Variants in NKAIN2 observed in about 807,000 individuals in gnomAD.
NKAIN2 encodes the protein sodium/potassium-transporting ATPase subunit beta-1-interacting protein 2.
A neutral mutation model predicts 32.6 loss-of-function variants in NKAIN2; 14 were observed. The observed-to-expected ratio is 0.43, with a 90% confidence interval of 0.28 to 0.67. The LOEUF is 0.67. Ranked by LOEUF, NKAIN2 falls within the 30% of genes least tolerant of loss-of-function variation. NKAIN2 has a pLI of 0.17. For synonymous variants in NKAIN2, 80 were observed against 87.2 expected (o/e 0.92, Z 0.46); for missense variants, 198 against 258.3 (o/e 0.77, Z 1.60).
chr6:124,596,620 A>G (rs574682490), intron 3 of NKAIN2, among the ~76,000 whole-genome samples: 1 of 151,232 alleles, frequency 6.6e-6, no homozygotes, highest in Middle Eastern at 3.4e-3. Context: ...ATCCATCTGT[A>G]TTATTCAGGA....
chr6:123,936,562 A>G (rs1010895866), intron 1 of NKAIN2, among the ~76,000 whole-genome samples: 2 of 152,164 alleles, frequency 1.3e-5, no homozygotes, highest in Non-Finnish European at 2.9e-5. Context: ...ATAATATGCT[A>G]TAATTTAACG....
intron 1 of NKAIN2, among the ~76,000 whole-genome samples, chr6:124,203,669 G>T (rs899522833): frequency 3.3e-5 from 5 of 151,732 alleles, no homozygotes; most frequent in African/African-American, 1.2e-4. Context: ...TCCTGTTACA[G>T]TGAACCTCCA....
At chr6:124,107,710 T>C (rs1035351084) in intron 1 of NKAIN2, among the ~76,000 whole-genome samples, 1 of 152,114 alleles carries the variant, frequency 6.6e-6, no homozygotes, top group African/African-American at 2.4e-5. Context: ...CCACCTCTCT[T>C]TCAGCCTCCA....
chr6:124,369,825 G>T (rs537214517), intron 3 of NKAIN2, among the ~76,000 whole-genome samples: 203 of 144,862 alleles, frequency 1.4e-3, no homozygotes, highest in African/African-American at 5.0e-3. Flanking sequence ...GGACTCATTT[G>T]GAAACTAAAT....
intron 1 of NKAIN2, among the ~76,000 whole-genome samples, chr6:123,830,753 T>G (rs1172122123): frequency 6.6e-6 from 1 of 152,232 alleles, no homozygotes; most frequent in African/African-American, 2.4e-5. Flanking sequence ...TTTTGTATAT[T>G]CAGTAAGCAG....
intron 3 of NKAIN2, among the ~76,000 whole-genome samples, chr6:124,453,411 C>T (rs2114627981): frequency 6.7e-6 from 1 of 148,556 alleles, no homozygotes; most frequent in East Asian, 2.0e-4. Flanking sequence ...GCAATGAATA[C>T]ACAAGGAGGA....
intron 3 of NKAIN2, among the ~76,000 whole-genome samples, chr6:124,445,082 G>A (rs549217575): frequency 4.6e-5 from 7 of 152,038 alleles, no homozygotes; most frequent in South Asian, 2.1e-4. Flanking sequence ...TTTTAATAAC[G>A]AAACCTCTGC....
intron 4 of NKAIN2, among the ~76,000 whole-genome samples, chr6:124,740,238 T>C (rs9491228): frequency 0.6 from 90,500 of 151,294 alleles, 27,443 homozygotes; most frequent in East Asian, 0.72. Context: ...AGTGAAGACA[T>C]GGTTAGTTCA....
At chr6:123,952,658 T>C (rs1229014224) in intron 1 of NKAIN2, among the ~76,000 whole-genome samples, 2 of 152,174 alleles carry the variant, frequency 1.3e-5, no homozygotes, top group Non-Finnish European at 2.9e-5. Flanking sequence ...TTTCTTCTGC[T>C]TGATTTAGTC....
intron 1 of NKAIN2, among the ~76,000 whole-genome samples, chr6:124,223,528 A>G (rs1791945549): frequency 1.3e-5 from 2 of 152,082 alleles, no homozygotes; most frequent in South Asian, 4.1e-4. Flanking sequence ...AGACACTGCT[A>G]TTGTAGAGGC....
intron 1 of NKAIN2, among the ~76,000 whole-genome samples, chr6:124,186,182 A>AAAGG (rs796824897): frequency 1.4e-4 from 21 of 147,908 alleles, no homozygotes; most frequent in South Asian, 2.1e-4. Context: ...GGAAAGAAAG[A>AAAGG]AAGGAAGGAA....
At chr6:123,944,511 G>T (rs1357202520) in intron 1 of NKAIN2, among the ~76,000 whole-genome samples, 2 of 152,016 alleles carry the variant, frequency 1.3e-5, no homozygotes, top group Admixed American at 6.6e-5. Flanking sequence ...ATGTGCTCGT[G>T]TTTGGAAATC....
chr6:124,103,445 T>G (rs113105087), intron 1 of NKAIN2, among the ~76,000 whole-genome samples: 4 of 152,202 alleles, frequency 2.6e-5, no homozygotes, highest in African/African-American at 9.6e-5. Context: ...TAGAGTCTGT[T>G]ACTATAATAC....
intron 3 of NKAIN2, among the ~76,000 whole-genome samples, chr6:124,637,996 A>T (rs1783836179): frequency 6.6e-6 from 1 of 152,184 alleles, no homozygotes; most frequent in South Asian, 2.1e-4. Flanking sequence ...ATACTATCTA[A>T]CTTAAAAAAT....
At chr6:124,621,764 T>G (rs1333463296) in intron 3 of NKAIN2, among the ~76,000 whole-genome samples, 1 of 152,110 alleles carries the variant, frequency 6.6e-6, no homozygotes, top group Non-Finnish European at 1.5e-5. Context: ...TAACTATCTC[T>G]AAATAAGAGT....
intron 1 of NKAIN2, among the ~76,000 whole-genome samples, chr6:123,953,034 A>T (rs1040354733): frequency 6.6e-6 from 1 of 152,220 alleles, no homozygotes; most frequent in African/African-American, 2.4e-5. Flanking sequence ...TTTGTAGAAG[A>T]TGACATTTTG....
At chr6:124,525,339 A>G (rs566162856) in intron 3 of NKAIN2, among the ~76,000 whole-genome samples, 1 of 152,234 alleles carries the variant, frequency 6.6e-6, no homozygotes, top group Non-Finnish European at 1.5e-5. Flanking sequence ...CAAATGAGGT[A>G]TTGATAAAAT....
At chr6:124,339,118 G>A (rs981811241) in intron 2 of NKAIN2, among the ~76,000 whole-genome samples, 8 of 152,230 alleles carry the variant, frequency 5.3e-5, no homozygotes, top group Non-Finnish European at 7.4e-5. Context: ...CAAGGCGGGC[G>A]GATCACGACA....
intron 2 of NKAIN2, among the ~76,000 whole-genome samples, chr6:124,330,689 T>A (rs1797614580): frequency 6.6e-6 from 1 of 152,174 alleles, no homozygotes; most frequent in Non-Finnish European, 1.5e-5. Context: ...CATGGGATGT[T>A]CCCTTACAGT....
Sources: allele counts gnomAD v4.1 joint callset (sites outside exome capture counted in the v4.1 genomes callset), GRCh38; gene constraint gnomAD v4.1.1; transcripts MANE v1.5; gene names NCBI Gene and HGNC (gene_info 2026-07-23, HGNC 2026-07-21).